The following PATL2 variants were observed in gnomAD, a reference collection of about 807,000 sequenced individuals.
The protein encoded by PATL2 is PAT1 homolog 2.
PATL2 carries 73 observed loss-of-function variants against 77.0 expected under a neutral mutation model. That is an observed-to-expected ratio of 0.95 (90% confidence interval 0.78 to 1.15). The LOEUF (loss-of-function observed/expected upper bound fraction) is 1.15, where lower values mean the gene tolerates loss of function less well. Ranked by LOEUF, PATL2 falls within the 50% of genes most tolerant of loss-of-function variation. PATL2 has a pLI of 0.00. For synonymous variants in PATL2, 265 were observed against 257.1 expected, an observed-to-expected ratio of 1.03 and a Z score of -0.29; for missense variants, 618 against 655.4, an observed-to-expected ratio of 0.94 and a Z score of 0.62.
chr15:44,694,444 A>T (rs2086460271), intron 3 of PATL2, among the ~76,000 whole-genome samples: 1 of 152,176 alleles, frequency 6.6e-6, no homozygotes, highest in Admixed American at 6.5e-5. Flanking sequence ...TTTTCCTTTC[A>T]GAAGTCCCCT....
Position 44,693,729 on chromosome 15 carries a change from G to A in PATL2, c.-76+16367C>T, listed in dbSNP as rs572510451. ...TTTTTTTGAGACAGAGTCTCGCTCT[G>A]TCTCCCAGGTTGGAGTGCAATGGCG... On this transcript the variant is annotated intron_variant, in intron 3 of 17. Coordinates refer to ENST00000682850, the MANE Select transcript of PATL2 (RefSeq NM_001387263.1). 6.7e-5 allele frequency among the ~76,000 whole-genome samples: 10 copies of A among 148,878 alleles called. No homozygotes were observed. In the East Asian group the frequency reaches 1.8e-3, roughly 27 times the overall value.
intron 3 of PATL2, among the ~76,000 whole-genome samples, chr15:44,687,756 CA>C (rs1477967039): frequency 1.3e-5 from 2 of 152,040 alleles, no homozygotes; most frequent in African/African-American, 4.8e-5. Flanking sequence ...TCCTATACAC[CA>C]ATAATAGACA....
At chr15:44,671,954 C>T in intron 9 of PATL2, 61 bp downstream of exon 9, 1 of 1,537,734 alleles carries the variant, frequency 6.5e-7, no homozygotes, top group South Asian at 1.2e-5. Context: ...CAGAGCGGGC[C>T]CGGGAGTCCA....
At chr15:44,695,777 T>G (rs2086490857) in intron 3 of PATL2, among the ~76,000 whole-genome samples, 1 of 152,258 alleles carries the variant, frequency 6.6e-6, no homozygotes, top group Non-Finnish European at 1.5e-5. Context: ...GTGTCTATGA[T>G]GGATCTGTGG....
At chr15:44,702,776 T>C (rs993256056) in intron 3 of PATL2, among the ~76,000 whole-genome samples, 2 of 152,128 alleles carry the variant, frequency 1.3e-5, no homozygotes, top group African/African-American at 4.8e-5. Flanking sequence ...ATATTTTAAT[T>C]TCCATATATT....
At chr15:44,709,837 A>C (rs977101764) in intron 3 of PATL2, among the ~76,000 whole-genome samples, 5 of 152,216 alleles carry the variant, frequency 3.3e-5, no homozygotes, top group Admixed American at 6.5e-5. Context: ...GTAAACAAGA[A>C]ACTAGAGGCA....
chr15:44,690,880 C>G (rs2086376100), intron 3 of PATL2, among the ~76,000 whole-genome samples: 1 of 152,000 alleles, frequency 6.6e-6, no homozygotes, highest in South Asian at 2.1e-4. Flanking sequence ...TTGCTATTTT[C>G]TCTGACATTT....
Position 44,672,170 on chromosome 15 carries a change from G to T in PATL2, c.516-14C>A. Reference sequence around the variant, plus strand: ...TTGGCTGGGGGACTTTAAGCCAGGAGGAACAACCCTTTAGACTTACCCACC... The same window carrying T: ...TTGGCTGGGGGACTTTAAGCCAGGATGAACAACCCTTTAGACTTACCCACC... On this transcript the variant is annotated splice_polypyrimidine_tract_variant and intron_variant, in intron 8 of 17. Transcript: ENST00000682850. The T allele has an allele frequency of 6.4e-7, 1 of 1,551,692 alleles. No individual in the cohort carries two copies. The highest frequency in any genetic ancestry group is 8.7e-7 in the Non-Finnish European group (1 of 1,146,998).
Position 44,668,331 on chromosome 15 carries a change from A to G in PATL2, c.1365+11T>C, listed in dbSNP as rs2085486038. ...AGCCATCTATGGAAAAAAGCCTCCT[A>G]GACATGTTACCTGATTCTGAAGCAC... On this transcript the variant is annotated intron_variant, in intron 15 of 17. Coordinates refer to ENST00000682850, the MANE Select transcript of PATL2 (RefSeq NM_001387263.1). 1.3e-6 allele frequency: 2 copies of G among 1,549,108 alleles called. No homozygotes were observed. Among genetic ancestry groups the G allele is most frequent in the East Asian group, 2.4e-5 (1 of 40,916 alleles).
At chr15:44,692,586 C>T (rs771168249) in intron 3 of PATL2, among the ~76,000 whole-genome samples, 1 of 152,198 alleles carries the variant, frequency 6.6e-6, no homozygotes, top group Non-Finnish European at 1.5e-5. Context: ...AGGAACTTTC[C>T]CCAGTGCCGA....
intron 7 of PATL2, 78 bp from the exon 8 acceptor site, chr15:44,672,534 C>G: frequency 7.2e-7 from 1 of 1,385,576 alleles, no homozygotes; most frequent in Non-Finnish European, 1.0e-6. Flanking sequence ...CAGCCCAGGT[C>G]AGCTCTGATG....
At chr15:44,673,151 C>A in intron 7 of PATL2, 84 bp downstream of exon 7, 1 of 1,460,174 alleles carries the variant, frequency 6.8e-7, no homozygotes, top group South Asian at 1.3e-5. Context: ...TTCTGTGTTT[C>A]CCTGTGGCAA....
At chr15:44,671,910 A>T in intron 9 of PATL2, 105 bp downstream of exon 9, 1 of 1,388,214 alleles carries the variant, frequency 7.2e-7, no homozygotes, top group Non-Finnish European at 9.7e-7. Flanking sequence ...CTCCCACCTG[A>T]ACAGACATGA....
At chr15:44,682,478 C>T (rs2086155525) in intron 3 of PATL2, among the ~76,000 whole-genome samples, 1 of 152,176 alleles carries the variant, frequency 6.6e-6, no homozygotes, top group Admixed American at 6.5e-5. Flanking sequence ...GTCTCTGGAA[C>T]AGAGTAGGTT....
intron 15 of PATL2, 106 bp from the exon 16 acceptor site, chr15:44,667,309 G>C: frequency 1.2e-6 from 1 of 813,010 alleles, no homozygotes; most frequent in East Asian, 2.7e-5. Context: ...CACATTTAGA[G>C]ATAGAGCTCA....
chr15:44,693,151 A>G (rs1019415255), intron 3 of PATL2, among the ~76,000 whole-genome samples: 2 of 152,234 alleles, frequency 1.3e-5, no homozygotes, highest in Non-Finnish European at 2.9e-5. Context: ...CCAAGGCCAA[A>G]ATGTCCATGA....
At chr15:44,679,690 C>A (rs1453081651) in intron 3 of PATL2, among the ~76,000 whole-genome samples, 4 of 151,870 alleles carry the variant, frequency 2.6e-5, no homozygotes, top group Non-Finnish European at 5.9e-5. Context: ...CTGCGTCCGG[C>A]CCTTTGTCTC....
At chr15:44,679,658 C>T (rs758790000) in intron 3 of PATL2, among the ~76,000 whole-genome samples, 6 of 149,618 alleles carry the variant, frequency 4.0e-5, no homozygotes, top group Non-Finnish European at 8.9e-5. Flanking sequence ...CTCCAGAGTG[C>T]TAGGATTACA....
In PATL2 at chr15:44,672,398, G is replaced by T; in HGVS notation, c.505C>A (p.Gln169Lys). Residue 169 changes from glutamine (Q) to lysine (K), a missense_variant, in exon 8 of 18, where the codon CAA becomes AAA. Transcript: ENST00000682850. The stretch of plus-strand genomic sequence containing the variant: ...TGGTCTGGGCTTTACCTTGGTGTTT[G>T]ACTATGCTGCTGCTGCTGCAAGATT... ...QRILQQQQHS[Q>K]TPSPPAKKPW... 1 of 1,551,640 alleles carries T rather than the reference G, an allele frequency of 6.4e-7. No individual in the cohort carries two copies. Among genetic ancestry groups the T allele is most frequent in the South Asian group, 1.2e-5 (1 of 84,012 alleles).
Sources: gnomAD v4.1 joint callset for allele counts (sites outside exome capture counted in the v4.1 genomes callset) on GRCh38, gnomAD v4.1.1 for gene constraint, MANE v1.5 for transcripts, NCBI Gene and HGNC (gene_info 2026-07-23, HGNC 2026-07-21) for gene names.